Variants in TMEM126B observed in about 807,000 individuals in gnomAD.
TMEM126B encodes complex I assembly factor TMEM126B, mitochondrial.
In TMEM126B, 19 loss-of-function variants were observed where a neutral mutation model predicts 16.5. The ratio of observed to expected loss-of-function variants is 1.15; its 90% CI spans 0.80 to 1.69. The LOEUF (loss-of-function observed/expected upper bound fraction) is 1.69, where lower values mean the gene tolerates loss of function less well. Ranked by LOEUF, TMEM126B falls within the 40% of genes most tolerant of loss-of-function variation. The probability of loss-of-function intolerance (pLI) is 0.00; values close to 1 mark genes in which losing one functional copy is unlikely to be tolerated. For missense variants in TMEM126B, 293 were observed against 278.7 expected (o/e 1.05, Z -0.37); for synonymous variants, 104 against 93.2 (o/e 1.12, Z -0.67).
intron 1 of TMEM126B, chr11:85,628,995 C>A: frequency 2.0e-6 from 1 of 494,188 alleles, no homozygotes; most frequent in South Asian, 1.7e-5. Flanking sequence ...CCAAACTGTT[C>A]TCTTTCGGTT....
chr11:85,632,430 G>C (rs532870308), intron 2 of TMEM126B, among the ~76,000 whole-genome samples: 2 of 152,234 alleles, frequency 1.3e-5, no homozygotes, highest in Admixed American at 6.5e-5. Context: ...TTTTAGTAGA[G>C]ATGGTTTAAC....
intron 1 of TMEM126B, chr11:85,631,144 G>C (rs780862579): frequency 7.8e-7 from 1 of 1,290,172 alleles, no homozygotes; most frequent in African/African-American, 1.5e-5. Flanking sequence ...TACCTCTCTA[G>C]GAAATGAAAC....
At position 85,628,625 on chromosome 11, in the gene TMEM126B, T is replaced by G. The variant is rs1440439616; in HGVS notation, c.18T>G (p.Tyr6Ter). 8 of 1,535,960 alleles carry G rather than the reference T, an allele frequency of 5.2e-6. No homozygotes were observed. Among genetic ancestry groups the G allele is most frequent in the African/African-American group, 2.7e-5 (2 of 73,036 alleles). MVVFG[Y>*]EAGTKPRDSG... Reference sequence around the variant, plus strand: ...CCACCAAAATGGTGGTGTTCGGGTATGAGGCTGGGACTAAGCCAAGGGATT... The same window carrying G: ...CCACCAAAATGGTGGTGTTCGGGTAGGAGGCTGGGACTAAGCCAAGGGATT... The change falls in exon 1 of 5, where the codon TAT becomes TAG. Residue 6 changes from tyrosine (Y) to a stop codon, truncating the protein, a stop_gained. Transcript: ENST00000358867. LOFTEE classifies it high-confidence loss of function.
chr11:85,629,356 C>A, intron 1 of TMEM126B: 1 of 791,480 alleles, frequency 1.3e-6, no homozygotes, highest in Non-Finnish European at 1.8e-6. Flanking sequence ...AAACTATAAA[C>A]CTACATAAAT....
intron 2 of TMEM126B, 71 bp from the exon 3 acceptor site, chr11:85,634,015 A>C: frequency 9.3e-7 from 1 of 1,081,074 alleles, no homozygotes. Flanking sequence ...TGCAATAACA[A>C]CTTTTCAGGA....
At chr11:85,630,622 T>G (rs962687799) in intron 1 of TMEM126B, among the ~76,000 whole-genome samples, 13 of 152,176 alleles carry the variant, frequency 8.5e-5, no homozygotes, top group African/African-American at 1.7e-4. Flanking sequence ...GGTTTGTTTT[T>G]TTGTTGTTGT....
chr11:85,628,720 G>A (rs1469542032), intron 1 of TMEM126B, 32 bp downstream of exon 1: 23 of 1,520,530 alleles, frequency 1.5e-5, no homozygotes, highest in Non-Finnish European at 2.0e-5. Flanking sequence ...TATGGGGGGT[G>A]ATTTCTGCAC....
intron 1 of TMEM126B, chr11:85,629,322 C>T (rs2082199657): frequency 9.4e-7 from 1 of 1,060,432 alleles, no homozygotes; most frequent in Non-Finnish European, 1.3e-6. Flanking sequence ...CATGAAAGCA[C>T]TACAAAACCG....
rs1328451326 is a variant in TMEM126B at position 85,630,919 on chromosome 11, C to A, written c.82-768C>A. Among the ~76,000 whole-genome samples, 4 of 152,188 alleles carry A rather than the reference C, an allele frequency of 2.6e-5. 1 individual carries two copies. The highest frequency in any genetic ancestry group is 2.6e-4 in the Admixed American group (4 of 15,276). On this transcript the variant is annotated intron_variant, in intron 1 of 4. Coordinates refer to ENST00000358867, the MANE Select transcript of TMEM126B (RefSeq NM_018480.7). The stretch of plus-strand genomic sequence containing the variant: ...CCTCTACTAAAAATACAAAAATTAG[C>A]CGGGTGTGGTGGCAGGTATGGGTCT...
rs751383251 is a variant in TMEM126B, at chr11:85,631,117, C to A, written c.82-570C>A. 19 of 1,280,560 alleles carry A rather than the reference C, an allele frequency of 1.5e-5. No individual in the cohort carries two copies. In the Middle Eastern group the frequency reaches 2.1e-3, roughly 144 times the overall value. The allele number at this position is 1,280,560 out of a possible 1,614,324, so 79.3% of individuals were successfully genotyped here. On this transcript the variant is annotated intron_variant, in intron 1 of 4. Coordinates refer to ENST00000358867, the MANE Select transcript of TMEM126B (RefSeq NM_018480.7). Reference sequence around the variant, plus strand: ...TTTTCTCTCTCACTATTCTCCAAGGCAATCCCTGCTCTCTCCTACCTCTCT... The same window carrying A: ...TTTTCTCTCTCACTATTCTCCAAGGAAATCCCTGCTCTCTCCTACCTCTCT...
Position 85,636,029 on chromosome 11 carries a change from CTCTTTTT to C in TMEM126B, c.510-9_510-3del. ...ATTCATATCCAGGAGAGGTGATTAACTCTTTTTTCTTTTTAGGTATCATACCGTTCCA... is the reference window on the plus strand; with the variant it reads ...ATTCATATCCAGGAGAGGTGATTAACTCTTTTTAGGTATCATACCGTTCCA... On this transcript the variant is annotated splice_polypyrimidine_tract_variant and intron_variant, in intron 4 of 4. Transcript: ENST00000358867. 2.6e-6 allele frequency: 4 copies of C among 1,548,552 alleles called. No individual in the cohort carries two copies. The highest frequency in any genetic ancestry group is 3.5e-6 in the Non-Finnish European group (4 of 1,158,788).
rs759823337 is a variant in TMEM126B at position 85,631,671 on chromosome 11, GA to G, written c.82-14del. ...AATATCATTAGCTATTATGGCTCTGGAATTTTTTTTTCCAGGTTTTCAAGAT... is the reference window on the plus strand; with the variant it reads ...AATATCATTAGCTATTATGGCTCTGGATTTTTTTTTCCAGGTTTTCAAGAT... On this transcript the variant is annotated splice_polypyrimidine_tract_variant and intron_variant, in intron 1 of 4. Coordinates refer to ENST00000358867, the MANE Select transcript of TMEM126B (RefSeq NM_018480.7). The G allele has an allele frequency of 1.3e-6, 2 of 1,593,738 alleles. No individual in the cohort carries two copies. The highest frequency in any genetic ancestry group is 2.3e-5 in the South Asian group (2 of 88,210).
rs1402587505 is a variant in TMEM126B at position 85,636,201 on chromosome 11, C to T, written c.665C>T (p.Thr222Ile). 6.5e-7 allele frequency: 1 copy of T among 1,546,038 alleles called. No homozygotes were observed. The highest frequency in any genetic ancestry group is 8.7e-7 in the Non-Finnish European group (1 of 1,149,608). ...GLYHYAVFEE[T>I]LEKTIHEE is the part of the protein sequence containing the mutation. ...TACCATTATGCAGTATTTGAAGAGA[C>T]ACTTGAGAAAACTATACATGAAGAG... The change falls in exon 5 of 5, where the codon ACA (threonine) becomes ATA (isoleucine). Residue 222 changes from threonine to isoleucine, a missense_variant. Physicochemically the swap from Thr to Ile is moderately conservative, Grantham distance 89. Coordinates refer to ENST00000358867, the MANE Select transcript of TMEM126B (RefSeq NM_018480.7).
At chr11:85,630,737 C>G (rs1268840904) in intron 1 of TMEM126B, among the ~76,000 whole-genome samples, 1 of 152,200 alleles carries the variant, frequency 6.6e-6, no homozygotes, top group Non-Finnish European at 1.5e-5. Flanking sequence ...ACACTTGGGA[C>G]ACAAGAACCT....
At chr11:85,635,953 A>T in intron 4 of TMEM126B, 93 bp from the exon 5 acceptor site, 1 of 1,369,618 alleles carries the variant, frequency 7.3e-7, no homozygotes, top group Non-Finnish European at 9.8e-7. Context: ...TACATTATAG[A>T]TCTAGAAAGG....
rs1565794552 is a variant in TMEM126B at position 85,636,090 on chromosome 11, A to C, written c.554A>C (p.His185Pro). The C allele has an allele frequency of 3.1e-5, 50 of 1,608,800 alleles. No individual in the cohort carries two copies. The highest frequency in any genetic ancestry group is 4.2e-5 in the Non-Finnish European group (50 of 1,178,640). Reference protein sequence around the residue: ...PLPPKGRVLIHWMTLCQTQMK... With the variant: ...PLPPKGRVLIPWMTLCQTQMK... ...CCACCAAAAGGAAGGGTTTTAATCC[A>C]TTGGATGACGCTTTGTCAAACACAA... The change falls in exon 5 of 5, where the codon CAT becomes CCT. Residue 185 changes from histidine to proline, a missense_variant. Transcript: ENST00000358867.
chr11:85,631,612 A>G, intron 1 of TMEM126B, 75 bp from the exon 2 acceptor site: 1 of 1,498,428 alleles, frequency 6.7e-7, no homozygotes, highest in South Asian at 1.3e-5. Flanking sequence ...TCAAATCTGA[A>G]TCTGTAGAAT....
chr11:85,631,687 G>A lies in TMEM126B; in HGVS notation c.82G>A (p.Val28Ile). The change falls in exon 2 of 5, where the codon GTT becomes ATT. Residue 28 changes from valine to isoleucine, a missense_variant and splice_region_variant. By Grantham distance (29) the Val-to-Ile change is conservative. Coordinates refer to ENST00000358867, the MANE Select transcript of TMEM126B (RefSeq NM_018480.7). ...VPVGTEEAPK[V>I]FKMAASMHGQ... is the part of the protein sequence containing the mutation. ...ATGGCTCTGGAATTTTTTTTTCCAG[G>A]TTTTCAAGATGGCAGCATCTATGCA... 1 of 1,603,722 alleles carries A rather than the reference G, an allele frequency of 6.2e-7. No individual in the cohort carries two copies. The highest frequency in any genetic ancestry group is 8.5e-7 in the Non-Finnish European group (1 of 1,177,200).
rs58671332 is a variant in TMEM126B at position 85,635,821 on chromosome 11, C to CTTTTTTTTTTTTTTTTTTTTTTTTTTTT, written c.509+61_509+62insTTTTTTTTTTTTTTTTTTTTTTTTTTTT. 22 of 869,736 alleles carry CTTTTTTTTTTTTTTTTTTTTTTTTTTTT rather than the reference C, an allele frequency of 2.5e-5. No individual in the cohort carries two copies. In the South Asian group the frequency reaches 2.6e-4, roughly 10 times the overall value. 53.9% of individuals were successfully genotyped at this position (869,736 alleles called of 1,614,324 possible). On this transcript the variant is annotated intron_variant, in intron 4 of 4. Transcript: ENST00000358867. ...CTTCTTTTTTCTTTTCTTTTCTTTT[C>CTTTTTTTTTTTTTTTTTTTTTTTTTTTT]TTTTTTTTTTTTTTTTTTAGGTTAA...
Sources: allele counts gnomAD v4.1 joint callset (sites outside exome capture counted in the v4.1 genomes callset), GRCh38; gene constraint gnomAD v4.1.1; transcripts MANE v1.5; gene names NCBI Gene and HGNC (gene_info 2026-07-23, HGNC 2026-07-21).